The following MAP3K20 variants were observed in gnomAD, a reference collection of about 807,000 sequenced individuals.
The protein encoded by MAP3K20 is mitogen-activated protein kinase kinase kinase 20, also known as HCCS-4.
Under a neutral mutation model 85.7 loss-of-function variants are expected in MAP3K20, and 40 were observed. That is an observed-to-expected ratio of 0.47 (90% CI 0.36 to 0.61). The LOEUF is 0.61. MAP3K20 is among the 20% of genes least tolerant of loss of function. The pLI is 0.00. For missense variants in MAP3K20, 817 were observed against 961.7 expected (o/e 0.85, Z 1.99); for synonymous variants, 325 against 327.7 (o/e 0.99, Z 0.09).
At chr2:173,107,434 A>G (rs929553369) in intron 2 of MAP3K20, among the ~76,000 whole-genome samples, 1 of 152,152 alleles carries the variant, frequency 6.6e-6, no homozygotes, top group South Asian at 2.1e-4. Flanking sequence ...AGGAATTGGC[A>G]TGAGAGGTGA....
At chr2:173,193,229 T>C (rs1281887234) in intron 7 of MAP3K20, among the ~76,000 whole-genome samples, 33 of 152,186 alleles carry the variant, frequency 2.2e-4, no homozygotes, top group Non-Finnish European at 1.5e-5. Flanking sequence ...GTTATAGTTA[T>C]TGTAGACTGT....
At position 173,185,008 on chromosome 2, in the gene MAP3K20, G is replaced by A. The variant is rs1288253640; in HGVS notation, c.349+2053G>A. Among the ~76,000 whole-genome samples the A allele has an allele frequency of 2.6e-5, 4 of 151,968 alleles. No homozygotes were observed. The East Asian group carries it at 5.8e-4, about 22-fold the overall frequency. The stretch of plus-strand genomic sequence containing the variant: ...TATAATCCTAGCACTTTGGGAAGCC[G>A]AGGAAGGTGGATCACCTGAGGCCAG... On this transcript the variant is annotated intron_variant, in intron 4 of 19. Coordinates refer to ENST00000375213, the MANE Select transcript of MAP3K20 (RefSeq NM_016653.3).
intron 1 of MAP3K20, among the ~76,000 whole-genome samples, chr2:173,087,534 C>G (rs1687176431): frequency 6.6e-6 from 1 of 152,068 alleles, no homozygotes; most frequent in Non-Finnish European, 1.5e-5. Context: ...ACTGAGTGTC[C>G]TACCAATGAA....
chr2:173,133,755 C>T (rs573824683), intron 2 of MAP3K20, among the ~76,000 whole-genome samples: 6 of 151,358 alleles, frequency 4.0e-5, no homozygotes, highest in Admixed American at 2.0e-4. Context: ...AACATTCATG[C>T]GGGCGGATCA....
chr2:173,236,769 G>T (rs1249335828), intron 14 of MAP3K20, among the ~76,000 whole-genome samples: 1 of 152,186 alleles, frequency 6.6e-6, no homozygotes, highest in Non-Finnish European at 1.5e-5. Context: ...GGAGGGCCCT[G>T]CATAGACTCT....
At chr2:173,215,501 T>C (rs1403258499) in intron 10 of MAP3K20, 8 of 152,182 alleles carry the variant, frequency 5.3e-5, no homozygotes, top group African/African-American at 1.9e-4. Flanking sequence ...TTCTGAAAAA[T>C]TGCTGATTCA....
At position 173,217,108 on chromosome 2, in the gene MAP3K20, C is replaced by T. The variant is rs950447961; in HGVS notation, c.852-7C>T. On this transcript the variant is annotated splice_region_variant and splice_polypyrimidine_tract_variant and intron_variant, in intron 10 of 19. Transcript: ENST00000375213. ...AGTTGAGACTTACACCAGCTATCCC[C>T]GTGCAGGTGCGAAATTGAGGCAACT... 1.7e-5 allele frequency: 26 copies of T among 1,541,960 alleles called. No homozygotes were observed. In the East Asian group the frequency reaches 3.5e-4, roughly 21 times the overall value.
intron 11 of MAP3K20, chr2:173,222,587 T>C (rs1378052928): frequency 1.0e-6 from 1 of 985,278 alleles, no homozygotes; most frequent in East Asian, 1.1e-4. Flanking sequence ...GTATGTGTGG[T>C]GGTTTGTTTT....
Position 173,239,383 on chromosome 2 carries a change from G to A in MAP3K20, c.1267-21G>A, listed in dbSNP as rs751395877. On this transcript the variant is annotated intron_variant, in intron 15 of 19. Transcript: ENST00000375213. ...GTAAAAACAACATCTAGAATAATTGGTGCTTGGTTTCCTGTTTTAGGACTC... is the reference window on the plus strand; with the variant it reads ...GTAAAAACAACATCTAGAATAATTGATGCTTGGTTTCCTGTTTTAGGACTC... 2.5e-6 allele frequency: 4 copies of A among 1,591,018 alleles called. No homozygotes were observed. The African/African-American group carries it at 4.1e-5, about 16-fold the overall frequency.
chr2:173,234,249 G>A (rs572320053), intron 14 of MAP3K20, among the ~76,000 whole-genome samples: 1 of 152,280 alleles, frequency 6.6e-6, no homozygotes, highest in African/African-American at 2.4e-5. Context: ...AGCCCTCAGT[G>A]ATTTACATCT....
chr2:173,256,998 T>A (rs1470222161), intron 16 of MAP3K20, among the ~76,000 whole-genome samples: 2 of 151,848 alleles, frequency 1.3e-5, no homozygotes, highest in Non-Finnish European at 2.9e-5. Flanking sequence ...CTACAAAAAA[T>A]TAAAAATAAG....
chr2:173,099,044 A>G (rs920260588), intron 2 of MAP3K20, among the ~76,000 whole-genome samples: 9 of 152,208 alleles, frequency 5.9e-5, no homozygotes, highest in Admixed American at 1.3e-4. Context: ...CAGACAGTAT[A>G]ACTTCAGTTT....
intron 11 of MAP3K20, chr2:173,221,216 A>C: frequency 1.2e-6 from 2 of 1,603,300 alleles, no homozygotes; most frequent in African/African-American, 2.7e-5. Context: ...AGAGGAGTCA[A>C]ACAGTGCAGA....
intron 1 of MAP3K20, among the ~76,000 whole-genome samples, chr2:173,083,834 C>G (rs185561613): frequency 0.013 from 1,963 of 152,270 alleles, 24 homozygotes; most frequent in Middle Eastern, 0.024. Context: ...ATTGAAAGCT[C>G]TTTTCAAAAA....
intron 8 of MAP3K20, among the ~76,000 whole-genome samples, chr2:173,200,421 A>G (rs1691010850): frequency 6.6e-6 from 1 of 152,192 alleles, no homozygotes; most frequent in Admixed American, 6.5e-5. Context: ...TATTTTTACT[A>G]TTGAATATTT....
At position 173,224,278 on chromosome 2, in the gene MAP3K20, C is replaced by T. The variant is rs1355788768; in HGVS notation, c.988-5411C>T. ...GGATCTTTGGGGCTAACTTCGGGAT[C>T]CCTGCACTTTATGTAAGAATGTAAA... On this transcript the variant is annotated intron_variant, in intron 11 of 19. Coordinates refer to ENST00000375213, the MANE Select transcript of MAP3K20 (RefSeq NM_016653.3). 3 of 985,276 alleles carry T rather than the reference C, an allele frequency of 3.0e-6. No homozygotes were observed. In the African/African-American group the frequency reaches 5.2e-5, roughly 17 times the overall value. The allele number at this position is 985,276 out of a possible 1,614,324, so 61.0% of individuals were successfully genotyped here.
At chr2:173,264,519 C>T (rs1685368033) in intron 19 of MAP3K20, among the ~76,000 whole-genome samples, 1 of 152,156 alleles carries the variant, frequency 6.6e-6, no homozygotes, top group African/African-American at 2.4e-5. Context: ...TAGAAACCCC[C>T]AACAGACTAC....
chr2:173,150,737 CAT>C (rs1241812943), intron 2 of MAP3K20, among the ~76,000 whole-genome samples: 2 of 152,058 alleles, frequency 1.3e-5, no homozygotes, highest in Non-Finnish European at 2.9e-5. Context: ...GGCTAATTTT[CAT>C]ATCTTTAGCA....
At chr2:173,121,830 C>A (rs1279938037) in intron 2 of MAP3K20, among the ~76,000 whole-genome samples, 1 of 151,924 alleles carries the variant, frequency 6.6e-6, no homozygotes, top group Non-Finnish European at 1.5e-5. Flanking sequence ...ATTAGATACT[C>A]AGCAGTAGCA....
Sources: allele counts gnomAD v4.1 joint callset (sites outside exome capture counted in the v4.1 genomes callset), GRCh38; gene constraint gnomAD v4.1.1; transcripts MANE v1.5; gene names NCBI Gene and HGNC (gene_info 2026-07-23, HGNC 2026-07-21).